The following PALLD variants were observed in gnomAD, a reference collection of about 807,000 sequenced individuals.
PALLD encodes palladin.
PALLD carries 61 observed loss-of-function variants against 123.5 expected under a neutral mutation model. The observed-to-expected ratio is 0.49, with a 90% CI of 0.40 to 0.61. The LOEUF is 0.61. Ranked by LOEUF, PALLD falls within the 20% of genes least tolerant of loss-of-function variation. The pLI is 0.00. For missense variants in PALLD, 1,273 were observed against 1,377.0 expected, an observed-to-expected ratio of 0.92 and a Z score of 1.20; for synonymous variants, 465 against 496.4, an observed-to-expected ratio of 0.94 and a Z score of 0.84.
intron 2 of PALLD, among the ~76,000 whole-genome samples, chr4:168,534,295 A>G (rs114744611): frequency 1.3e-5 from 2 of 152,364 alleles, no homozygotes; most frequent in African/African-American, 4.8e-5. Context: ...CCAGAGCCAG[A>G]GACCAGACAG....
intron 2 of PALLD, among the ~76,000 whole-genome samples, chr4:168,617,233 A>T (rs1468762635): frequency 6.6e-6 from 1 of 152,204 alleles, no homozygotes; most frequent in Admixed American, 6.5e-5. Context: ...TGCCTGGTTT[A>T]ATTCGTAAGT....
At position 168,658,284 on chromosome 4, in the gene PALLD, G is replaced by GTTTTTTTTTTTTTT. The variant is rs755942969; in HGVS notation, c.909-9906_909-9905insTTTTTTTTTTTTTT. Among the ~76,000 whole-genome samples the GTTTTTTTTTTTTTT allele has an allele frequency of 1.2e-4, 14 of 120,766 alleles. 2 individuals are homozygous for GTTTTTTTTTTTTTT. The highest frequency in any genetic ancestry group is 2.6e-4 in the Admixed American group (3 of 11,746). The allele number at this position is 120,766 out of a possible 152,430, so 79.2% of individuals were successfully genotyped here. A position where few individuals can be genotyped will look rare whatever the true frequency, so the allele number is the denominator to read the frequency against. On this transcript the variant is annotated intron_variant, in intron 2 of 21. Transcript: ENST00000505667. The stretch of plus-strand genomic sequence containing the variant: ...TTTTGTTGGTGGTGGGTTTTTATTT[G>GTTTTTTTTTTTTTT]GTTTTTTTTTTTTTTTTTGTGATGA...
intron 10 of PALLD, among the ~76,000 whole-genome samples, chr4:168,791,018 A>G (rs1306394815): frequency 2.0e-5 from 3 of 152,058 alleles, no homozygotes; most frequent in South Asian, 2.1e-4. Context: ...CCATATCCCT[A>G]TGTTATAACA....
chr4:168,809,886 C>G (rs1249566994), intron 10 of PALLD, among the ~76,000 whole-genome samples: 8 of 141,278 alleles, frequency 5.7e-5, no homozygotes, highest in African/African-American at 2.1e-4. Context: ...AAAAAAAAAT[C>G]AGACATGGGG....
intron 15 of PALLD, among the ~76,000 whole-genome samples, chr4:168,904,425 C>T (rs1416083235): frequency 3.9e-5 from 6 of 152,130 alleles, no homozygotes; most frequent in Admixed American, 3.9e-4. Flanking sequence ...AATGTTTTCT[C>T]TTGTATTTGC....
At chr4:168,894,547 A>G in intron 11 of PALLD, 32 bp from the exon 12 acceptor site, 2 of 1,443,400 alleles carry the variant, frequency 1.4e-6, no homozygotes, top group Non-Finnish European at 1.9e-6. Context: ...TTTTTTTCTA[A>G]TTTTGTATTT....
At chr4:168,759,906 T>C (rs1378506555) in intron 10 of PALLD, among the ~76,000 whole-genome samples, 2 of 151,762 alleles carry the variant, frequency 1.3e-5, no homozygotes, top group Admixed American at 1.3e-4. Context: ...ATACAAAAAT[T>C]AGCCAGGGGT....
chr4:168,612,141 C>T (rs1430916088), intron 2 of PALLD, among the ~76,000 whole-genome samples: 2 of 151,540 alleles, frequency 1.3e-5, no homozygotes, highest in African/African-American at 2.4e-5. Flanking sequence ...GCCTGGGTGA[C>T]GAAGTGAGAC....
At chr4:168,537,070 T>G (rs1377845917) in intron 2 of PALLD, among the ~76,000 whole-genome samples, 1 of 152,182 alleles carries the variant, frequency 6.6e-6, no homozygotes. Flanking sequence ...TGTGATCCGC[T>G]GCCTCGGCCT....
At chr4:168,914,082 T>A in intron 16 of PALLD, 61 bp downstream of exon 16, 1 of 1,009,928 alleles carries the variant, frequency 9.9e-7, no homozygotes, top group Non-Finnish European at 1.6e-6. Flanking sequence ...ATAAATGTAG[T>A]ACTATTAGAA....
At chr4:168,564,912 CT>C (rs977543092) in intron 2 of PALLD, among the ~76,000 whole-genome samples, 1 of 151,774 alleles carries the variant, frequency 6.6e-6, no homozygotes, top group Non-Finnish European at 1.5e-5. Context: ...GAAAACTTGG[CT>C]GGGTGCAGTG....
intron 2 of PALLD, among the ~76,000 whole-genome samples, chr4:168,544,500 G>A (rs1437458550): frequency 6.6e-6 from 1 of 152,186 alleles, no homozygotes; most frequent in Non-Finnish European, 1.5e-5. Context: ...AAAGATGGGA[G>A]AGTGAGCTTG....
chr4:168,707,357 G>C (rs1281024095), intron 8 of PALLD, among the ~76,000 whole-genome samples: 2 of 152,158 alleles, frequency 1.3e-5, no homozygotes, highest in Non-Finnish European at 2.9e-5. Flanking sequence ...TGCCAGGCTA[G>C]GCTGACCACA....
chr4:168,842,322 G>A (rs1170425631), intron 10 of PALLD, among the ~76,000 whole-genome samples: 2 of 152,210 alleles, frequency 1.3e-5, no homozygotes, highest in Non-Finnish European at 2.9e-5. Flanking sequence ...CTGATTAAAG[G>A]TGGAACTCTT....
intron 10 of PALLD, among the ~76,000 whole-genome samples, chr4:168,846,756 T>G (rs1746914374): frequency 6.6e-6 from 1 of 152,164 alleles, no homozygotes; most frequent in East Asian, 1.9e-4. Context: ...AAGCTGAGGC[T>G]CTCAAAGTGT....
rs532712108 is a variant in PALLD at position 168,524,985 on chromosome 4, G to C, written c.908+12573G>C. 1.5e-4 allele frequency among the ~76,000 whole-genome samples: 23 copies of C among 152,196 alleles called. 1 individual carries two copies. In the South Asian group the frequency reaches 4.8e-3, roughly 32 times the overall value. Reference sequence around the variant, plus strand: ...TGGGTTTCTCTTTCTTTTATAAACAGAACACTGATCCCAAGCAGAATATAA... The same window carrying C: ...TGGGTTTCTCTTTCTTTTATAAACACAACACTGATCCCAAGCAGAATATAA... On this transcript the variant is annotated intron_variant, in intron 2 of 21. Transcript: ENST00000505667.
At chr4:168,765,522 C>T (rs1255271367) in intron 10 of PALLD, among the ~76,000 whole-genome samples, 1 of 152,140 alleles carries the variant, frequency 6.6e-6, no homozygotes, top group Non-Finnish European at 1.5e-5. Context: ...CCACTGTCAC[C>T]CACTTCACAC....
rs981524135 is a variant in PALLD at position 168,807,049 on chromosome 4, C to T, written c.1965-83873C>T. 1.2e-4 allele frequency among the ~76,000 whole-genome samples: 18 copies of T among 152,254 alleles called. No homozygotes were observed. The South Asian group carries it at 3.5e-3, about 30-fold the overall frequency. Reference sequence around the variant, plus strand: ...GACTCCACGGTGCCTAACCACAACACTTCAATACCCAGGGCGATGAGAGCC... The same window carrying T: ...GACTCCACGGTGCCTAACCACAACATTTCAATACCCAGGGCGATGAGAGCC... On this transcript the variant is annotated intron_variant, in intron 10 of 21. Coordinates refer to ENST00000505667, the MANE Select transcript of PALLD (RefSeq NM_001166108.2).
rs55841033 is a variant in PALLD, at chr4:168,659,193, G to A, written c.909-8997G>A. ...TTAGGCAGCAACAAAACTTATCTTG[G>A]GCATCACTTTCAAATTTCGTTTTGG... On this transcript the variant is annotated intron_variant, in intron 2 of 21. Transcript: ENST00000505667. 9.6e-3 allele frequency among the ~76,000 whole-genome samples: 1,469 copies of A among 152,270 alleles called. 11 individuals are homozygous for A. The highest frequency in any genetic ancestry group is 0.017 in the Non-Finnish European group (1,135 of 68,014).
Sources: gnomAD v4.1 joint callset for allele counts (sites outside exome capture counted in the v4.1 genomes callset) on GRCh38, gnomAD v4.1.1 for gene constraint, MANE v1.5 for transcripts, NCBI Gene and HGNC (gene_info 2026-07-23, HGNC 2026-07-21) for gene names.